DDX10: variants seen among roughly 807,000 people sequenced by gnomAD.
DDX10 encodes the protein probable ATP-dependent RNA helicase DDX10.
In DDX10, 74 loss-of-function variants were observed where a neutral mutation model predicts 104.3. The observed-to-expected ratio is 0.71, with a 90% CI of 0.59 to 0.86. The LOEUF (loss-of-function observed/expected upper bound fraction) is 0.86. Among genes scored for constraint, DDX10 ranks in the 40% least tolerant of loss-of-function variants. The probability of loss-of-function intolerance (pLI) is 0.00; values close to 1 mark genes in which losing one functional copy is unlikely to be tolerated. For synonymous variants in DDX10, 351 were observed against 353.4 expected (o/e 0.99, Z 0.08); for missense variants, 952 against 1,040.0 (o/e 0.92, Z 1.16).
Position 108,940,267 on chromosome 11 carries a change from G to A in DDX10, c.2472G>A (p.Gly824=). 6.2e-7 allele frequency: 1 copy of A among 1,613,930 alleles called. No individual in the cohort carries two copies. Among genetic ancestry groups the A allele is most frequent in the Non-Finnish European group, 8.5e-7 (1 of 1,179,968 alleles). ...NKISDTKKKQ[G]MKKRSNSEVE... ...CCAGTGATACCAAGAAGAAGCAGGG[G>A]ATGAAGAAGAGGAGCAACAGTGAAG... is the stretch of plus-strand genomic sequence containing the variant. The change falls in exon 18 of 18, where the codon GGG becomes GGA. Residue 824 remains glycine (G), a synonymous_variant. Coordinates refer to ENST00000322536, the MANE Select transcript of DDX10 (RefSeq NM_004398.4).
At chr11:108,887,069 G>T (rs561847474) in intron 16 of DDX10, among the ~76,000 whole-genome samples, 1 of 152,104 alleles carries the variant, frequency 6.6e-6, no homozygotes, top group South Asian at 2.1e-4. Context: ...CACTAGAAAT[G>T]GAATAATTAA....
Position 108,904,848 on chromosome 11 carries a change from C to T in DDX10, c.2305-13025C>T, listed in dbSNP as rs554188658. 3.9e-5 allele frequency among the ~76,000 whole-genome samples: 6 copies of T among 152,112 alleles called. No homozygotes were observed. The East Asian group carries it at 1.2e-3, about 29-fold the overall frequency. On this transcript the variant is annotated intron_variant, in intron 16 of 17. Transcript: ENST00000322536. The stretch of plus-strand genomic sequence containing the variant: ...TTTTATGAATTATTGAAATGTTACT[C>T]TTACCCTTAAAAAATGTTGCATTTG...
At chr11:108,789,930 C>G (rs776568265) in intron 13 of DDX10, among the ~76,000 whole-genome samples, 124 of 152,166 alleles carry the variant, frequency 8.1e-4, no homozygotes, top group Non-Finnish European at 1.3e-3. Context: ...TTAAAAGACC[C>G]TGTAACTCCG....
chr11:108,845,234 A>C (rs1862699510), intron 15 of DDX10, among the ~76,000 whole-genome samples: 1 of 152,114 alleles, frequency 6.6e-6, no homozygotes, highest in African/African-American at 2.4e-5. Flanking sequence ...ACAAACAAAC[A>C]AACAAAGACT....
At chr11:108,776,009 CTTG>C (rs777839819) in intron 13 of DDX10, among the ~76,000 whole-genome samples, 11 of 152,074 alleles carry the variant, frequency 7.2e-5, no homozygotes, top group Non-Finnish European at 1.3e-4. Context: ...TGTGTTGTAT[CTTG>C]TTGTTTGAAT....
chr11:108,801,026 C>T (rs1451641545), intron 13 of DDX10, among the ~76,000 whole-genome samples: 1 of 152,184 alleles, frequency 6.6e-6, no homozygotes, highest in African/African-American at 2.4e-5. Flanking sequence ...CAGAACCAGA[C>T]TACTCAGATA....
At chr11:108,845,558 A>G (rs1591833735) in intron 15 of DDX10, among the ~76,000 whole-genome samples, 1 of 152,174 alleles carries the variant, frequency 6.6e-6, no homozygotes, top group Non-Finnish European at 1.5e-5. Flanking sequence ...AAATACTGAC[A>G]ACAGGGTCTA....
intron 13 of DDX10, among the ~76,000 whole-genome samples, chr11:108,800,498 G>A (rs1356869576): frequency 6.7e-6 from 1 of 148,208 alleles, no homozygotes; most frequent in Non-Finnish European, 1.5e-5. Flanking sequence ...TTCTCCATTT[G>A]GCTATGAATC....
At chr11:108,691,452 A>G (rs376945427) in intron 7 of DDX10, among the ~76,000 whole-genome samples, 20 of 152,320 alleles carry the variant, frequency 1.3e-4, no homozygotes, top group African/African-American at 4.8e-4. Context: ...CAATGTTTTT[A>G]TTTATGTCTA....
chr11:108,702,009 C>T (rs199520784), intron 9 of DDX10, among the ~76,000 whole-genome samples: 16 of 152,072 alleles, frequency 1.1e-4, no homozygotes, highest in Non-Finnish European at 1.8e-4. Context: ...TCTGCTGAAA[C>T]AGCTTCTAGT....
chr11:108,673,685 C>T (rs759245422), intron 2 of DDX10, among the ~76,000 whole-genome samples, 158 bp downstream of exon 2: 2 of 152,136 alleles, frequency 1.3e-5, no homozygotes, highest in East Asian at 1.9e-4. Context: ...TTTAACAGTA[C>T]GTTATTCTCA....
chr11:108,925,136 G>A (rs1863891018), intron 17 of DDX10, among the ~76,000 whole-genome samples: 1 of 152,184 alleles, frequency 6.6e-6, no homozygotes, highest in Non-Finnish European at 1.5e-5. Flanking sequence ...AACTCCTGAG[G>A]CAGATTGTTG....
intron 16 of DDX10, among the ~76,000 whole-genome samples, chr11:108,909,441 T>C (rs1431496536): frequency 4.4e-5 from 6 of 137,820 alleles, no homozygotes; most frequent in East Asian, 4.6e-4. Context: ...CCTTCCCTTG[T>C]CCTGTGCCCC....
At chr11:108,917,224 C>A (rs1462826426) in intron 16 of DDX10, among the ~76,000 whole-genome samples, 1 of 150,862 alleles carries the variant, frequency 6.6e-6, no homozygotes, top group African/African-American at 2.4e-5. Context: ...GCCACCATGC[C>A]CAGCTAATAG....
intron 15 of DDX10, 141 bp downstream of exon 15, chr11:108,841,617 T>C: frequency 3.7e-6 from 3 of 816,506 alleles, no homozygotes; most frequent in Non-Finnish European, 5.6e-6. Flanking sequence ...GCTACTCTTT[T>C]TTCTGTTTAT....
chr11:108,852,175 A>G lies in DDX10; in HGVS notation c.2270A>G (p.Glu757Gly). Residue 757 changes from glutamate to glycine, a missense_variant, in exon 16 of 18, where the codon GAA (glutamate) becomes GGA (glycine). Physicochemically the swap from Glu to Gly is moderately conservative, Grantham distance 98 (BLOSUM62 -2). Around this residue, in one of 3 missense-constraint regions of DDX10, gnomAD observed 533 missense variants for 534.1 expected, o/e 1.00. Transcript: ENST00000322536. Reference sequence around the variant, plus strand: ...CAGGAGAAAAGACTGAAAGAAAGGGAAGCCAGAAGAGAAGCCAACAAGAGA... The same window carrying G: ...CAGGAGAAAAGACTGAAAGAAAGGGGAGCCAGAAGAGAAGCCAACAAGAGA... ...KHREKRLKER[E>G]ARREANKRQA... 4.3e-6 allele frequency: 7 copies of G among 1,611,320 alleles called. No homozygotes were observed. Among genetic ancestry groups the G allele is most frequent in the Non-Finnish European group, 5.9e-6 (7 of 1,178,352 alleles).
intron 13 of DDX10, among the ~76,000 whole-genome samples, chr11:108,786,979 G>T (rs981285277): frequency 6.6e-6 from 1 of 151,420 alleles, no homozygotes; most frequent in African/African-American, 2.4e-5. Context: ...GTGGTAGCAG[G>T]TTTTAAACTT....
chr11:108,863,588 A>G (rs1862968236), intron 16 of DDX10, among the ~76,000 whole-genome samples: 1 of 152,152 alleles, frequency 6.6e-6, no homozygotes, highest in African/African-American at 2.4e-5. Context: ...TGGAAAGTAT[A>G]TTATCGGAAG....
chr11:108,909,293 G>A (rs918545352), intron 16 of DDX10, among the ~76,000 whole-genome samples: 1 of 152,180 alleles, frequency 6.6e-6, no homozygotes, highest in African/African-American at 2.4e-5. Context: ...ATGCTGGGAC[G>A]GTGGCCCACC....
Sources: allele counts gnomAD v4.1 joint callset (sites outside exome capture counted in the v4.1 genomes callset), GRCh38; gene constraint gnomAD v4.1.1; regional missense constraint gnomAD v4.1.1; transcripts MANE v1.5; gene names NCBI Gene and HGNC (gene_info 2026-07-23, HGNC 2026-07-21).